Variants in MPDZ observed in about 807,000 individuals in gnomAD.
MPDZ encodes multiple PDZ domain protein.
In MPDZ, 234 loss-of-function variants were observed where a neutral mutation model predicts 239.1. That is an observed-to-expected ratio of 0.98 (90% CI 0.88 to 1.09). The LOEUF is 1.09. MPDZ is among the 50% of genes least tolerant of loss of function. The probability of loss-of-function intolerance (pLI) is 0.00; values close to 1 mark genes in which losing one functional copy is unlikely to be tolerated. For missense variants in MPDZ, 3,175 were observed against 2,510.0 expected, an observed-to-expected ratio of 1.26 and a Z score of -5.66; for synonymous variants, 1,048 against 881.3, an observed-to-expected ratio of 1.19 and a Z score of -3.35.
intron 3 of MPDZ, among the ~76,000 whole-genome samples, chr9:13,229,577 TACACACAC>T (rs139327129): frequency 6.6e-5 from 9 of 136,146 alleles, no homozygotes; most frequent in Admixed American, 4.4e-4. Context: ...ACACCACACT[TACACACAC>T]ACACACACAC....
intron 45 of MPDZ, among the ~76,000 whole-genome samples, chr9:13,109,442 G>C (rs1447018762): frequency 6.6e-6 from 1 of 152,114 alleles, no homozygotes; most frequent in African/African-American, 2.4e-5. Context: ...AGCTCAGAGA[G>C]AAAAATCAAT....
At chr9:13,113,837 T>C (rs998445197) in intron 41 of MPDZ, 94 bp downstream of exon 41, 15 of 960,990 alleles carry the variant, frequency 1.6e-5, no homozygotes, top group Non-Finnish European at 2.1e-5. Flanking sequence ...ATGGGATGAT[T>C]TGGGGGAAAA....
chr9:13,160,774 G>C (rs923020880), intron 23 of MPDZ, among the ~76,000 whole-genome samples: 2 of 137,464 alleles, frequency 1.5e-5, no homozygotes, highest in Non-Finnish European at 3.1e-5. Flanking sequence ...GAAAAAAATA[G>C]ATGGTTGCAT....
At chr9:13,144,408 A>G (rs1437060156) in intron 26 of MPDZ, among the ~76,000 whole-genome samples, 2 of 152,038 alleles carry the variant, frequency 1.3e-5, no homozygotes, top group Non-Finnish European at 2.9e-5. Context: ...TAGCATTTTC[A>G]TAGTTTAAAA....
rs976891579 is a variant in MPDZ, at chr9:13,136,786, T to C, written c.4218A>G (p.Leu1406=). 7 of 1,597,338 alleles carry C rather than the reference T, an allele frequency of 4.4e-6. No individual in the cohort carries two copies. In the East Asian group the frequency reaches 1.1e-4, roughly 26 times the overall value. ...DELLEINGQI[L]YGRSHQNASS... ...AGGCATTCTGATGACTTCTTCCATA[T>C]AAAATCTGACCATTGATCTGTGAGA... is the stretch of plus-strand genomic sequence containing the variant. The change falls in exon 30 of 47, where the codon TTA becomes TTG. Residue 1406 remains leucine, a synonymous_variant. Transcript: ENST00000319217.
intron 24 of MPDZ, among the ~76,000 whole-genome samples, chr9:13,156,575 C>T (rs927290473): frequency 1.3e-5 from 2 of 152,280 alleles, no homozygotes; most frequent in South Asian, 4.1e-4. Flanking sequence ...ATGGGAAAGA[C>T]CTGCCCCCAT....
chr9:13,125,463 T>C, intron 34 of MPDZ, 73 bp from the exon 35 acceptor site: 1 of 1,345,484 alleles, frequency 7.4e-7, no homozygotes, highest in East Asian at 2.4e-5. Context: ...GAGTCACCAT[T>C]ATCAATGGAA....
intron 12 of MPDZ, among the ~76,000 whole-genome samples, chr9:13,197,745 C>T (rs1367187076): frequency 6.6e-6 from 1 of 152,124 alleles, no homozygotes; most frequent in Non-Finnish European, 1.5e-5. Context: ...AATACCTCTT[C>T]ATCCCACCCC....
intron 2 of MPDZ, 31 bp downstream of exon 2, chr9:13,250,269 A>G: frequency 3.2e-6 from 5 of 1,585,282 alleles, no homozygotes; most frequent in Non-Finnish European, 4.3e-6. Context: ...TACAATTCTT[A>G]TAAAAGTAGG....
At chr9:13,125,867 G>T (rs1945030439) in intron 34 of MPDZ, among the ~76,000 whole-genome samples, 1 of 152,080 alleles carries the variant, frequency 6.6e-6, no homozygotes, top group Non-Finnish European at 1.5e-5. Flanking sequence ...CAGATTTATG[G>T]GTTAAAGGAT....
Position 13,108,530 on chromosome 9 carries a change from T to C in MPDZ, c.6066+406A>G, listed in dbSNP as rs569342943. On this transcript the variant is annotated intron_variant, in intron 46 of 46. Transcript: ENST00000319217. Reference sequence around the variant, plus strand: ...TATTAATTTTCATGTGTACTTTATGTACTTCTCTATAACTATTTTATATTT... The same window carrying C: ...TATTAATTTTCATGTGTACTTTATGCACTTCTCTATAACTATTTTATATTT... Among the ~76,000 whole-genome samples the C allele has an allele frequency of 2.0e-5, 3 of 152,258 alleles. No individual in the cohort carries two copies. The East Asian group carries it at 5.8e-4, about 29-fold the overall frequency.
chr9:13,157,942 G>C, intron 24 of MPDZ, 76 bp downstream of exon 24: 1 of 1,233,346 alleles, frequency 8.1e-7, no homozygotes, highest in South Asian at 1.3e-5. Context: ...TTGTAATCCA[G>C]TACTTGAAAC....
chr9:13,234,355 G>C (rs1015609285), intron 3 of MPDZ, among the ~76,000 whole-genome samples: 1 of 151,980 alleles, frequency 6.6e-6, no homozygotes, highest in African/African-American at 2.4e-5. Context: ...GAGTTGTTAA[G>C]TGAAAAGAAA....
At chr9:13,193,066 G>T in intron 14 of MPDZ, 101 bp downstream of exon 14, 1 of 1,127,738 alleles carries the variant, frequency 8.9e-7, no homozygotes, top group Non-Finnish European at 1.2e-6. Flanking sequence ...AGTCCCCTTT[G>T]GAGGGGAAAT....
chr9:13,164,833 G>A (rs1025381734), intron 22 of MPDZ, among the ~76,000 whole-genome samples: 1 of 152,144 alleles, frequency 6.6e-6, no homozygotes, highest in Admixed American at 6.6e-5. Flanking sequence ...AACATGCAGA[G>A]CCATGCTAGC....
At chr9:13,196,893 C>A (rs1423130944) in intron 12 of MPDZ, among the ~76,000 whole-genome samples, 1 of 151,810 alleles carries the variant, frequency 6.6e-6, no homozygotes, top group Non-Finnish European at 1.5e-5. Context: ...TCAAAGATTT[C>A]CATATTTCAT....
intron 10 of MPDZ, among the ~76,000 whole-genome samples, chr9:13,212,833 C>T (rs185459890): frequency 5.3e-5 from 8 of 150,098 alleles, no homozygotes; most frequent in African/African-American, 7.3e-5. Flanking sequence ...CCAACATCCT[C>T]GTAGTGTGCA....
At chr9:13,273,157 G>C (rs1171996462) in intron 1 of MPDZ, among the ~76,000 whole-genome samples, 1 of 152,076 alleles carries the variant, frequency 6.6e-6, no homozygotes, top group Non-Finnish European at 1.5e-5. Flanking sequence ...GTACTTCCCA[G>C]CCTCCAGAAC....
chr9:13,224,320 C>T, intron 4 of MPDZ, 54 bp downstream of exon 4: 1 of 1,409,874 alleles, frequency 7.1e-7, no homozygotes, highest in Non-Finnish European at 9.8e-7. Flanking sequence ...AACTTGATCA[C>T]ATTCTTAAAT....
Sources: allele counts gnomAD v4.1 joint callset (sites outside exome capture counted in the v4.1 genomes callset), GRCh38; gene constraint gnomAD v4.1.1; transcripts MANE v1.5; gene names NCBI Gene and HGNC (gene_info 2026-07-23, HGNC 2026-07-21).